Variants in LHCGR observed in about 807,000 individuals in gnomAD.
The protein encoded by LHCGR is luteinizing hormone/choriogonadotropin receptor, also known as lutropin-choriogonadotropic hormone receptor.
LHCGR carries 55 observed loss-of-function variants against 60.7 expected under a neutral mutation model. The observed-to-expected ratio is 0.91, with a 90% CI of 0.73 to 1.13. The LOEUF (loss-of-function observed/expected upper bound fraction) is 1.13. Ranked by LOEUF, LHCGR falls within the 50% of genes most tolerant of loss-of-function variation. The probability of loss-of-function intolerance (pLI) is 0.00; values close to 1 mark genes in which losing one functional copy is unlikely to be tolerated. For synonymous variants in LHCGR, 337 were observed against 316.5 expected (o/e 1.06, Z -0.69); for missense variants, 862 against 836.0 (o/e 1.03, Z -0.38).
intron 1 of LHCGR, among the ~76,000 whole-genome samples, chr2:48,737,942 C>G (rs1669272058): frequency 6.6e-6 from 1 of 152,208 alleles, no homozygotes; most frequent in South Asian, 2.1e-4. Context: ...AGAGGCAGAT[C>G]TGGACTAAAG....
intron 2 of LHCGR, among the ~76,000 whole-genome samples, chr2:48,729,837 G>T (rs1668908960): frequency 6.6e-6 from 1 of 152,174 alleles, no homozygotes; most frequent in Admixed American, 6.5e-5. Flanking sequence ...TGAGGACAAA[G>T]AGTATATTCT....
chr2:48,729,100 G>A, intron 3 of LHCGR, 53 bp downstream of exon 3: 3 of 1,345,104 alleles, frequency 2.2e-6, no homozygotes, highest in Non-Finnish European at 2.1e-6. Flanking sequence ...GTGGGCTCCA[G>A]CCAGTGAGGG....
intron 2 of LHCGR, 43 bp downstream of exon 2, chr2:48,731,184 A>C (rs1558875016): frequency 5.2e-6 from 7 of 1,337,090 alleles, no homozygotes; most frequent in Non-Finnish European, 7.5e-6. Flanking sequence ...AAAATTCATT[A>C]TTCCAATTAC....
At chr2:48,718,839 C>T (rs928339419) in intron 6 of LHCGR, among the ~76,000 whole-genome samples, 1 of 152,108 alleles carries the variant, frequency 6.6e-6, no homozygotes, top group African/African-American at 2.4e-5. Flanking sequence ...GAATCAGGGT[C>T]CCCCCATTTC....
intron 4 of LHCGR, among the ~76,000 whole-genome samples, 197 bp downstream of exon 4, chr2:48,725,479 T>C (rs1438967673): frequency 6.6e-6 from 1 of 152,162 alleles, no homozygotes; most frequent in African/African-American, 2.4e-5. Flanking sequence ...TGGGAACCAC[T>C]TACATGTATG....
At chr2:48,743,999 C>T (rs891984113) in intron 1 of LHCGR, among the ~76,000 whole-genome samples, 4 of 139,182 alleles carry the variant, frequency 2.9e-5, no homozygotes, top group Non-Finnish European at 4.6e-5. Flanking sequence ...AGCAAAGTCT[C>T]AGGATACAAA....
At chr2:48,731,596 A>T (rs1487442717) in intron 1 of LHCGR, among the ~76,000 whole-genome samples, 1 of 152,204 alleles carries the variant, frequency 6.6e-6, no homozygotes, top group Non-Finnish European at 1.5e-5. Flanking sequence ...TAAGCATGTT[A>T]TTTAAGCCCT....
rs1679979120 is a variant in LHCGR at position 48,687,892 on chromosome 2, A to G, written c.1905T>C (p.Phe635=). The G allele has an allele frequency of 6.2e-7, 1 of 1,614,074 alleles. No homozygotes were observed. Among genetic ancestry groups the G allele is most frequent in the Admixed American group, 1.7e-5 (1 of 59,996 alleles). ...AGCAGCCAAATTTGCTCAGCAAAAGAAAGAAATCTCTTTGGAATGTCTTAG... is the reference window on the plus strand; with the variant it reads ...AGCAGCCAAATTTGCTCAGCAAAAGGAAGAAATCTCTTTGGAATGTCTTAG... ...IFTKTFQRDF[F]LLLSKFGCCK... is the part of the protein sequence containing the mutation. The change falls in exon 11 of 11, where the codon TTT becomes TTC. Residue 635 remains phenylalanine, a synonymous_variant. Transcript: ENST00000294954.
At chr2:48,709,708 A>G (rs980512047) in intron 7 of LHCGR, among the ~76,000 whole-genome samples, 21 of 151,638 alleles carry the variant, frequency 1.4e-4, no homozygotes, top group African/African-American at 4.8e-4. Flanking sequence ...CTGTTATGGA[A>G]GTAGCTCCCT....
chr2:48,688,328 C>T lies in LHCGR; in HGVS notation c.1469G>A (p.Gly490Glu). Residue 490 changes from glycine (G) to glutamate (E), a missense_variant, in exon 11 of 11, where the codon GGA becomes GAA. By Grantham distance (98) the Gly-to-Glu change is moderately conservative. Transcript: ENST00000294954. This position sits in a 1 kb window ranked among gnomAD's most constrained non-coding sequence, Gnocchi z 5.2. ...LRHAILIMLG[G>E]WLFSSLIAML... ...AGCAATTAGAGAAGAAAAGAGCCAT[C>T]CTCCAAGCATAATCAGAATGGCATG... The T allele has an allele frequency of 6.2e-7, 1 of 1,614,116 alleles. No individual in the cohort carries two copies. The highest frequency in any genetic ancestry group is 8.5e-7 in the Non-Finnish European group (1 of 1,180,032).
At chr2:48,748,771 A>G (rs1669819616) in intron 1 of LHCGR, among the ~76,000 whole-genome samples, 1 of 152,124 alleles carries the variant, frequency 6.6e-6, no homozygotes, top group South Asian at 2.1e-4. Flanking sequence ...TCTTCACTAT[A>G]TCTGGTCCCA....
Position 48,687,913 on chromosome 2 carries a change from C to G in LHCGR, c.1884G>C (p.Lys628Asn). Reference sequence around the variant, plus strand: ...AAAGAAAGAAATCTCTTTGGAATGTCTTAGTGAATATTGCATACAGAAATG... The same window carrying G: ...AAAGAAAGAAATCTCTTTGGAATGTGTTAGTGAATATTGCATACAGAAATG... Reference protein sequence around the residue: ...ANPFLYAIFTKTFQRDFFLLL... With the variant: ...ANPFLYAIFTNTFQRDFFLLL... The change falls in exon 11 of 11, where the codon AAG (lysine) becomes AAC (asparagine). Residue 628 changes from lysine (K) to asparagine (N), a missense_variant. Transcript: ENST00000294954. 6.2e-7 allele frequency: 1 copy of G among 1,614,052 alleles called. No homozygotes were observed. The highest frequency in any genetic ancestry group is 8.5e-7 in the Non-Finnish European group (1 of 1,180,012).
At chr2:48,738,323 C>T (rs1572883531) in intron 1 of LHCGR, among the ~76,000 whole-genome samples, 1 of 152,266 alleles carries the variant, frequency 6.6e-6, no homozygotes, top group African/African-American at 2.4e-5. Flanking sequence ...CTGGTAGATT[C>T]TGCTTTCCAC....
intron 1 of LHCGR, among the ~76,000 whole-genome samples, chr2:48,738,374 C>G (rs1416361593): frequency 6.6e-6 from 1 of 152,178 alleles, no homozygotes; most frequent in South Asian, 2.1e-4. Flanking sequence ...TTACACACTG[C>G]TACTCTTGGC....
At chr2:48,741,427 A>G (rs60341391) in intron 1 of LHCGR, among the ~76,000 whole-genome samples, 24,680 of 147,416 alleles carry the variant, frequency 0.17, 2,529 homozygotes, top group East Asian at 0.34. Context: ...AAAAATGTTA[A>G]GGACAGCCAG....
intron 9 of LHCGR, among the ~76,000 whole-genome samples, chr2:48,696,207 T>C (rs1667108390): frequency 2.0e-5 from 3 of 152,246 alleles, no homozygotes. Flanking sequence ...GATGAGACAA[T>C]GCATTGTTTC....
chr2:48,725,609 C>T, intron 4 of LHCGR, 67 bp downstream of exon 4: 1 of 1,111,952 alleles, frequency 9.0e-7, no homozygotes, highest in South Asian at 1.2e-5. Flanking sequence ...CAACCTTTTC[C>T]TTGTTTTGAT....
At chr2:48,712,328 C>G (rs1399534976) in intron 7 of LHCGR, among the ~76,000 whole-genome samples, 1 of 152,046 alleles carries the variant, frequency 6.6e-6, no homozygotes, top group Non-Finnish European at 1.5e-5. Context: ...CATCTTCATT[C>G]CCCCTCAAAA....
chr2:48,735,887 G>A (rs1228557705), intron 1 of LHCGR, among the ~76,000 whole-genome samples: 1 of 152,146 alleles, frequency 6.6e-6, no homozygotes, highest in East Asian at 1.9e-4. Context: ...GGTGGGGCTT[G>A]GTTGGAGGTG....
Sources: gnomAD v4.1 joint callset for allele counts (sites outside exome capture counted in the v4.1 genomes callset) on GRCh38, gnomAD v4.1.1 for gene constraint, Gnocchi (gnomAD v3.1) non-coding constraint, MANE v1.5 for transcripts, NCBI Gene and HGNC (gene_info 2026-07-23, HGNC 2026-07-21) for gene names.